DNA2: variants seen among roughly 807,000 people sequenced by gnomAD.
DNA2 encodes DNA replication ATP-dependent helicase/nuclease DNA2.
Under a neutral mutation model 119.1 loss-of-function variants are expected in DNA2, and 101 were observed. The observed-to-expected ratio is 0.85, with a 90% confidence interval of 0.72 to 1.00. The LOEUF (loss-of-function observed/expected upper bound fraction) is 1.00. DNA2 is among the 50% of genes least tolerant of loss of function. The pLI is 0.00. For synonymous variants in DNA2, 366 were observed against 424.4 expected, an observed-to-expected ratio of 0.86 and a Z score of 1.69; for missense variants, 1,121 against 1,255.5, an observed-to-expected ratio of 0.89 and a Z score of 1.62.
intron 19 of DNA2, 113 bp from the exon 20 acceptor site, chr10:68,416,968 G>T: frequency 2.2e-6 from 2 of 895,328 alleles, no homozygotes; most frequent in Non-Finnish European, 3.3e-6. Flanking sequence ...ATGAGGCCAG[G>T]TGTAGTGGCT....
chr10:68,415,199 G>T, intron 20 of DNA2, 92 bp from the exon 21 acceptor site: 1 of 719,926 alleles, frequency 1.4e-6, no homozygotes, highest in Non-Finnish European at 2.2e-6. Flanking sequence ...TTGACTTACA[G>T]GACCACAAAA....
chr10:68,420,342 G>C (rs1024511545), intron 17 of DNA2, among the ~76,000 whole-genome samples: 1 of 152,180 alleles, frequency 6.6e-6, no homozygotes, highest in African/African-American at 2.4e-5. Context: ...TTGGAGACCA[G>C]CCTGGCCAAC....
intron 20 of DNA2, among the ~76,000 whole-genome samples, chr10:68,415,630 T>C (rs574480971): frequency 8.5e-5 from 13 of 152,200 alleles, no homozygotes; most frequent in Admixed American, 7.2e-4. Context: ...ATGAAGTTCT[T>C]ATGAAGCCTA....
rs994720491 is a variant in DNA2, at chr10:68,445,193, A to G, written c.1058-110T>C. On this transcript the variant is annotated intron_variant, in intron 7 of 20. Transcript: ENST00000358410. ...TTAAAAACATTTTAGGGCCGGGCAC[A>G]ATGGCTTACGCCTGTAATCCCAACA... The G allele has an allele frequency of 4.9e-6, 5 of 1,020,450 alleles. No homozygotes were observed. In the Admixed American group the frequency reaches 1.3e-4, roughly 27 times the overall value. 63.2% of individuals were successfully genotyped at this position (1,020,450 alleles called of 1,614,324 possible).
intron 4 of DNA2, among the ~76,000 whole-genome samples, chr10:68,464,556 G>A (rs551615334): frequency 2.9e-4 from 44 of 150,316 alleles, no homozygotes; most frequent in African/African-American, 8.6e-4. Context: ...AAGGTAGGCC[G>A]GGCGCAGTGG....
At chr10:68,466,484 T>G (rs1039643789) in intron 3 of DNA2, among the ~76,000 whole-genome samples, 1 of 151,994 alleles carries the variant, frequency 6.6e-6, no homozygotes, top group South Asian at 2.1e-4. Flanking sequence ...AGAAAAAAAA[T>G]TTTTTTAACC....
At chr10:68,453,431 C>T (rs2052145260) in intron 5 of DNA2, among the ~76,000 whole-genome samples, 1 of 151,874 alleles carries the variant, frequency 6.6e-6, no homozygotes, top group East Asian at 1.9e-4. Context: ...TTCTAAGATA[C>T]TGATCCTTTA....
At chr10:68,458,494 A>G (rs1207621141) in intron 5 of DNA2, among the ~76,000 whole-genome samples, 1 of 150,428 alleles carries the variant, frequency 6.6e-6, no homozygotes, top group Non-Finnish European at 1.5e-5. Context: ...AAATCATGCC[A>G]CTGCACTCCA....
chr10:68,418,669 AT>A (rs34507769), intron 19 of DNA2, among the ~76,000 whole-genome samples: 5,917 of 113,792 alleles, frequency 0.052, 289 homozygotes, highest in African/African-American at 0.2. Context: ...TTAAACCGCA[AT>A]TTTTTTTTTT....
chr10:68,459,036 AAC>A lies in DNA2; in HGVS notation c.719+66_719+67del, dbSNP rs140385668. 1,772 of 1,334,972 alleles carry A rather than the reference AAC, an allele frequency of 1.3e-3. 30 individuals are homozygous for A. The African/African-American group carries it at 0.023, about 18-fold the overall frequency. 82.7% of individuals were successfully genotyped at this position (1,334,972 alleles called of 1,614,324 possible). On this transcript the variant is annotated intron_variant, in intron 5 of 20. Transcript: ENST00000358410. Reference sequence around the variant, plus strand: ...ACTCAATCTTTAAAAACTTTGATTCAACACACAGAATGGCATCCTGGTCTAAA... The same window carrying A: ...ACTCAATCTTTAAAAACTTTGATTCAACACAGAATGGCATCCTGGTCTAAA...
At chr10:68,439,319 C>T (rs1158149722) in intron 9 of DNA2, among the ~76,000 whole-genome samples, 4 of 150,908 alleles carry the variant, frequency 2.7e-5, no homozygotes, top group South Asian at 2.1e-4. Context: ...ACTTGAACCT[C>T]GGAGGCGGAG....
In DNA2 at chr10:68,437,046, C is replaced by A. The variant is rs2051897958; in HGVS notation, c.1611G>T (p.Glu537Asp). Reference sequence around the variant, plus strand: ...AACAAGTTACTGTTGTCATGTTAATCTCCTTCACATATCCTCTAGACAAAG... The same window carrying A: ...AACAAGTTACTGTTGTCATGTTAATATCCTTCACATATCCTCTAGACAAAG... ...LFALSRGYVK[E>D]INMTTVTCLL... is the part of the protein sequence containing the mutation. Residue 537 changes from glutamate (E) to aspartate (D), a missense_variant, in exon 10 of 21, where the codon GAG (glutamate) becomes GAT (aspartate). Glu to Asp is a conservative substitution (Grantham distance 45). Transcript: ENST00000358410. The A allele has an allele frequency of 2.5e-6, 4 of 1,612,668 alleles. No homozygotes were observed. Among genetic ancestry groups the A allele is most frequent in the Non-Finnish European group, 3.4e-6 (4 of 1,179,496 alleles).
Position 68,440,614 on chromosome 10 carries a change from T to TA in DNA2, c.1415+2302dup, listed in dbSNP as rs556461644. 3.0e-3 allele frequency among the ~76,000 whole-genome samples: 420 copies of TA among 140,650 alleles called. 4 individuals carry two copies. The highest frequency in any genetic ancestry group is 9.3e-3 in the African/African-American group (357 of 38,360). The allele number at this position is 140,650 out of a possible 152,430, so 92.3% of individuals were successfully genotyped here. ...GCCCAGCCCAGAGCAAGACTTTGTC[T>TA]AAAAAAAAAAAAGTTTCACATACTA... On this transcript the variant is annotated intron_variant, in intron 9 of 20. Coordinates refer to ENST00000358410, the MANE Select transcript of DNA2 (RefSeq NM_001080449.3).
chr10:68,446,471 T>A (rs1479328188), intron 6 of DNA2, 58 bp from the exon 7 acceptor site: 2 of 1,078,976 alleles, frequency 1.9e-6, no homozygotes, highest in African/African-American at 3.2e-5. Context: ...TTTCCTTACA[T>A]TGTCTTGCAA....
Position 68,419,754 on chromosome 10 carries a change from C to CTTTTTTTTTTTTTTTTTTT in DNA2, c.2787+48_2787+49insAAAAAAAAAAAAAAAAAAA, listed in dbSNP as rs1429308709. On this transcript the variant is annotated intron_variant, in intron 18 of 20. Coordinates refer to ENST00000358410, the MANE Select transcript of DNA2 (RefSeq NM_001080449.3). Reference sequence around the variant, plus strand: ...TGTAAGTGTCTTACAGTCTAACATTCTTTTATTCTGCACTTTAATATTTGC... The same window carrying CTTTTTTTTTTTTTTTTTTT: ...TGTAAGTGTCTTACAGTCTAACATTCTTTTTTTTTTTTTTTTTTTTTTTATTCTGCACTTTAATATTTGC... The CTTTTTTTTTTTTTTTTTTT allele has an allele frequency of 2.2e-6, 3 of 1,390,592 alleles. No individual in the cohort carries two copies. In the African/African-American group the frequency reaches 4.3e-5, roughly 20 times the overall value. 86.1% of individuals were successfully genotyped at this position (1,390,592 alleles called of 1,614,324 possible).
chr10:68,429,343 G>C (rs376334885), intron 14 of DNA2, among the ~76,000 whole-genome samples: 1 of 151,626 alleles, frequency 6.6e-6, no homozygotes, highest in African/African-American at 2.4e-5. Flanking sequence ...TTGGGAGTGC[G>C]AGACCAGCCT....
At position 68,442,960 on chromosome 10, in the gene DNA2, T is replaced by C. The variant is rs747969481; in HGVS notation, c.1372A>G (p.Lys458Glu). 1.5e-5 allele frequency: 25 copies of C among 1,613,038 alleles called. No individual in the cohort carries two copies. Among genetic ancestry groups the C allele is most frequent in the Middle Eastern group, 1.7e-4 (1 of 6,058 alleles). Residue 458 changes from lysine (K) to glutamate (E), a missense_variant, in exon 9 of 21, where the codon AAA becomes GAA. By Grantham distance (56) the Lys-to-Glu change is moderately conservative. Coordinates refer to ENST00000358410, the MANE Select transcript of DNA2 (RefSeq NM_001080449.3). Reference protein sequence around the residue: ...LTLESQSKDNKKNHQNIWLMP... With the variant: ...LTLESQSKDNEKNHQNIWLMP... The stretch of plus-strand genomic sequence containing the variant: ...AGCCAGATATTTTGGTGATTCTTTT[T>C]ATTATCCTTCGATTGTGACTCCAGG...
rs751911951 is a variant in DNA2, at chr10:68,432,517, C to CA, written c.1647-8dup. The CA allele has an allele frequency of 6.9e-7, 1 of 1,442,754 alleles. No homozygotes were observed. Among genetic ancestry groups the CA allele is most frequent in the Non-Finnish European group, 9.5e-7 (1 of 1,052,030 alleles). 89.4% of individuals were successfully genotyped at this position (1,442,754 alleles called of 1,614,324 possible). A position where few individuals can be genotyped will look rare whatever the true frequency, so the allele number is the denominator to read the frequency against. On this transcript the variant is annotated splice_region_variant and splice_polypyrimidine_tract_variant and intron_variant, in intron 10 of 20. Coordinates refer to ENST00000358410, the MANE Select transcript of DNA2 (RefSeq NM_001080449.3). ...TGGAAGGACCGACAAGTTTCTAAAA[C>CA]AACAAAACAAATATACATGAATGCT...
intron 10 of DNA2, among the ~76,000 whole-genome samples, chr10:68,435,528 C>T (rs1266561352): frequency 1.3e-5 from 2 of 152,116 alleles, no homozygotes; most frequent in South Asian, 2.1e-4. Context: ...GCAATCTCGG[C>T]TCACTGAAAC....
Sources: gnomAD v4.1 joint callset for allele counts (sites outside exome capture counted in the v4.1 genomes callset) on GRCh38, gnomAD v4.1.1 for gene constraint, MANE v1.5 for transcripts, NCBI Gene and HGNC (gene_info 2026-07-23, HGNC 2026-07-21) for gene names.